The following CRYBG1 variants were observed in gnomAD, a reference collection of about 807,000 sequenced individuals.
CRYBG1 encodes beta/gamma crystallin domain-containing protein 1.
A neutral mutation model predicts 189.2 loss-of-function variants in CRYBG1; 139 were observed. That is an observed-to-expected ratio of 0.73 (90% confidence interval 0.64 to 0.85). The LOEUF (loss-of-function observed/expected upper bound fraction) is 0.85, where lower values mean the gene tolerates loss of function less well. CRYBG1 is among the 40% of genes least tolerant of loss of function. CRYBG1 has a pLI of 0.00. For synonymous variants in CRYBG1, 1,023 were observed against 1,017.1 expected, an observed-to-expected ratio of 1.01 and a Z score of -0.11; for missense variants, 2,611 against 2,675.8, an observed-to-expected ratio of 0.98 and a Z score of 0.53.
chr6:106,511,739 GA>G lies in CRYBG1; in HGVS notation c.623del (p.Asp208AlafsTer28). The G allele has an allele frequency of 6.5e-7, 1 of 1,535,320 alleles. No homozygotes were observed. The highest frequency in any genetic ancestry group is 2.4e-5 in the East Asian group (1 of 40,880). On this transcript the variant is annotated frameshift_variant, in exon 3 of 22. Coordinates refer to ENST00000633556, the MANE Select transcript of CRYBG1 (RefSeq NM_001371242.2). LOFTEE classifies it high-confidence loss of function. ...GAGCGGTGGCCCCGCAGCCCCCCCTGACGCCGAGCTGTCACCTCGCTGGAGC... is the reference window on the plus strand; with the variant it reads ...GAGCGGTGGCCCCGCAGCCCCCCCTGCGCCGAGCTGTCACCTCGCTGGAGC... ...PESGGPAAPP[D>X]AELSPRWSSS...
chr6:106,539,602 T>C lies in CRYBG1; in HGVS notation c.4845+73T>C, dbSNP rs551066011. On this transcript the variant is annotated intron_variant, in intron 9 of 21. Coordinates refer to ENST00000633556, the MANE Select transcript of CRYBG1 (RefSeq NM_001371242.2). ...ACGTGGTAATTCACAGGGTGTGACT[T>C]TGAAGCAATAAAGCTGACTTTTAAG... 6 of 1,523,072 alleles carry C rather than the reference T, an allele frequency of 3.9e-6. No homozygotes were observed. The East Asian group carries it at 7.0e-5, about 18-fold the overall frequency. 94.3% of individuals were successfully genotyped at this position (1,523,072 alleles called of 1,614,324 possible).
intron 2 of CRYBG1, among the ~76,000 whole-genome samples, chr6:106,474,687 T>A (rs1772300363): frequency 6.6e-6 from 1 of 152,132 alleles, no homozygotes; most frequent in South Asian, 2.1e-4. Context: ...GGAGGCTGTG[T>A]GCAGGGAATG....
Position 106,530,313 on chromosome 6 carries a change from C to A in CRYBG1, c.4716C>A (p.Gly1572=). ...QKTCSMKVHW[G]TWLIYEEPGF... is the part of the protein sequence containing the mutation. ...CTTGTTCCATGAAAGTACATTGGGG[C>A]ACGTAAGTATTTTTTTTTCAAACAA... Residue 1572 remains glycine, a splice_region_variant and synonymous_variant, in exon 8 of 22, where the codon GGC becomes GGA. Transcript: ENST00000633556. The A allele has an allele frequency of 6.3e-7, 1 of 1,592,154 alleles. No homozygotes were observed. The highest frequency in any genetic ancestry group is 8.5e-7 in the Non-Finnish European group (1 of 1,171,174).
At chr6:106,526,599 G>A (rs2114549735) in intron 6 of CRYBG1, among the ~76,000 whole-genome samples, 1 of 152,152 alleles carries the variant, frequency 6.6e-6, no homozygotes, top group South Asian at 2.1e-4. Context: ...TGATATGACT[G>A]TAATATGTAA....
intron 21 of CRYBG1, among the ~76,000 whole-genome samples, chr6:106,567,759 A>AAAGT (rs1562123735): frequency 6.6e-6 from 1 of 152,204 alleles, no homozygotes. Context: ...TTTTAGCACT[A>AAAGT]AAGTATCTGA....
At chr6:106,418,274 A>G (rs1771061823) in intron 1 of CRYBG1, among the ~76,000 whole-genome samples, 1 of 152,214 alleles carries the variant, frequency 6.6e-6, no homozygotes, top group Non-Finnish European at 1.5e-5. Context: ...GCAACATTCA[A>G]TTGGTTAAAA....
Position 106,512,384 on chromosome 6 carries a change from G to C in CRYBG1, c.1267G>C (p.Gly423Arg), listed in dbSNP as rs1480117518. Reference sequence around the variant, plus strand: ...CGGCCGTAGGTCGGGGAGGCGGAGGGGGTCGCAGAAATCCACCGACTCCCC... The same window carrying C: ...CGGCCGTAGGTCGGGGAGGCGGAGGCGGTCGCAGAAATCCACCGACTCCCC... ...SSGRRSGRRRGSQKSTDSPGA... is the reference protein window; with the variant it reads ...SSGRRSGRRRRSQKSTDSPGA... The change falls in exon 3 of 22, where the codon GGG becomes CGG. Residue 423 changes from glycine to arginine, a missense_variant. By Grantham distance (125) the Gly-to-Arg change is moderately radical. Around this residue, in one of 3 missense-constraint regions of CRYBG1, gnomAD observed 985 missense variants for 924.4 expected, o/e 1.07. Transcript: ENST00000633556. The C allele has an allele frequency of 1.9e-6, 3 of 1,610,964 alleles. No individual in the cohort carries two copies. In the Admixed American group the frequency reaches 5.0e-5, roughly 27 times the overall value.
chr6:106,369,258 G>C (rs962982885), intron 1 of CRYBG1, among the ~76,000 whole-genome samples: 1 of 152,142 alleles, frequency 6.6e-6, no homozygotes, highest in African/African-American at 2.4e-5. Flanking sequence ...CACACAAAAA[G>C]AAACACAATT....
intron 8 of CRYBG1, among the ~76,000 whole-genome samples, chr6:106,538,123 T>C (rs1034973516): frequency 2.0e-5 from 3 of 151,576 alleles, no homozygotes; most frequent in Non-Finnish European, 2.9e-5. Context: ...ACTAACCGAA[T>C]TGATGAGTGT....
chr6:106,368,156 A>G (rs670561), intron 1 of CRYBG1, among the ~76,000 whole-genome samples: 99,601 of 151,756 alleles, frequency 0.66, 32,746 homozygotes, highest in East Asian at 0.73. Flanking sequence ...GCTCACACCT[A>G]TAATCCCAGC....
intron 1 of CRYBG1, among the ~76,000 whole-genome samples, chr6:106,406,237 G>A (rs573035508): frequency 6.6e-6 from 1 of 151,980 alleles, no homozygotes; most frequent in African/African-American, 2.4e-5. Flanking sequence ...GCATACACAA[G>A]TATAAATAGC....
intron 13 of CRYBG1, among the ~76,000 whole-genome samples, chr6:106,547,467 G>A (rs1774291233): frequency 6.6e-6 from 1 of 152,214 alleles, no homozygotes. Context: ...ACACAGGGAA[G>A]GAAGACTTTG....
At chr6:106,560,711 G>C in intron 18 of CRYBG1, 92 bp from the exon 19 acceptor site, 1 of 1,425,392 alleles carries the variant, frequency 7.0e-7, no homozygotes. Context: ...ATATAGTTCA[G>C]TCTAGAAATG....
In CRYBG1 at chr6:106,423,694, CCTTTT is replaced by C. The variant is rs1771173105; in HGVS notation, c.174-27999_174-27995del. Among the ~76,000 whole-genome samples the C allele has an allele frequency of 3.6e-4, 36 of 101,240 alleles. 2 individuals carry two copies. Among genetic ancestry groups the C allele is most frequent in the East Asian group, 5.9e-4 (2 of 3,370 alleles). 66.4% of individuals were successfully genotyped at this position (101,240 alleles called of 152,430 possible). On this transcript the variant is annotated intron_variant, in intron 1 of 21. Transcript: ENST00000633556. ...CCCTCCAGTCCTCAGTTCTCCCTCC[CCTTTT>C]TTTTTTTTTTTTTTTTTTTTTTTTG... is the stretch of plus-strand genomic sequence containing the variant.
chr6:106,479,581 C>T (rs1444420162), intron 2 of CRYBG1, among the ~76,000 whole-genome samples: 2 of 152,194 alleles, frequency 1.3e-5, no homozygotes, highest in African/African-American at 4.8e-5. Flanking sequence ...CCTACATCCT[C>T]ACCAACACTC....
intron 2 of CRYBG1, among the ~76,000 whole-genome samples, chr6:106,453,760 G>A (rs1251682761): frequency 6.6e-6 from 1 of 152,220 alleles, no homozygotes; most frequent in Admixed American, 6.5e-5. Context: ...GGCCTCCCTT[G>A]CAAAAAGCTC....
chr6:106,522,003 G>A (rs371581441), intron 4 of CRYBG1, among the ~76,000 whole-genome samples: 8 of 152,116 alleles, frequency 5.3e-5, no homozygotes, highest in African/African-American at 1.7e-4. Context: ...AGAGTGTTGC[G>A]ATTACAGGTG....
chr6:106,479,022 T>C (rs1354180273), intron 2 of CRYBG1, among the ~76,000 whole-genome samples: 1 of 152,218 alleles, frequency 6.6e-6, no homozygotes, highest in Non-Finnish European at 1.5e-5. Context: ...TTTCACTTAG[T>C]ATAACATTTT....
intron 2 of CRYBG1, among the ~76,000 whole-genome samples, chr6:106,481,761 G>T (rs556145721): frequency 6.6e-6 from 1 of 152,194 alleles, no homozygotes; most frequent in African/African-American, 2.4e-5. Flanking sequence ...GGCCACTGAA[G>T]GCCGGCCTAT....
Sources: allele counts gnomAD v4.1 joint callset (sites outside exome capture counted in the v4.1 genomes callset), GRCh38; gene constraint gnomAD v4.1.1; regional missense constraint gnomAD v4.1.1; transcripts MANE v1.5; gene names NCBI Gene and HGNC (gene_info 2026-07-23, HGNC 2026-07-21).